The following MYO16 variants were observed in gnomAD, a reference collection of about 807,000 sequenced individuals.
MYO16 encodes the protein myosin XVI.
Under a neutral mutation model 205.3 loss-of-function variants are expected in MYO16, and 94 were observed. The ratio of observed to expected loss-of-function variants is 0.46; its 90% CI spans 0.39 to 0.54. MYO16 has a LOEUF of 0.54. Among genes scored for constraint, MYO16 ranks in the 20% least tolerant of loss-of-function variants. MYO16 has a pLI of 0.00. For missense variants in MYO16, 2,315 were observed against 2,387.5 expected (o/e 0.97, Z 0.63); for synonymous variants, 988 against 954.0 (o/e 1.04, Z -0.66).
intron 20 of MYO16, among the ~76,000 whole-genome samples, chr13:108,991,182 C>T (rs1054842380): frequency 4.6e-5 from 7 of 152,172 alleles, no homozygotes; most frequent in African/African-American, 1.2e-4. Context: ...AAGTTCATGC[C>T]GACGTCCCCA....
intron 16 of MYO16, among the ~76,000 whole-genome samples, chr13:108,928,895 T>C (rs762677574): frequency 2.0e-5 from 3 of 152,208 alleles, no homozygotes; most frequent in African/African-American, 4.8e-5. Flanking sequence ...TCATGGATTA[T>C]AGCTTAATAA....
chr13:108,605,426 A>G (rs1033490847), intron 1 of MYO16, among the ~76,000 whole-genome samples: 3 of 152,154 alleles, frequency 2.0e-5, no homozygotes, highest in South Asian at 2.1e-4. Flanking sequence ...CTCATCTTGC[A>G]TTGGAATCCA....
intron 2 of MYO16, among the ~76,000 whole-genome samples, chr13:108,682,803 G>T (rs781123910): frequency 6.6e-5 from 10 of 152,166 alleles, no homozygotes; most frequent in Non-Finnish European, 1.5e-4. Flanking sequence ...AGCTGCTGAA[G>T]TCTTGCTCTT....
At chr13:108,771,745 A>G (rs956706568) in intron 4 of MYO16, among the ~76,000 whole-genome samples, 5 of 151,954 alleles carry the variant, frequency 3.3e-5, no homozygotes, top group African/African-American at 4.8e-5. Context: ...GAAATCATAC[A>G]ATGTTTAGAC....
the MYO16 span, among the ~76,000 whole-genome samples, chr13:108,502,644 T>C: frequency 6.6e-6 from 1 of 152,210 alleles, no homozygotes; most frequent in Non-Finnish European, 1.5e-5. Flanking sequence ...TGGTACTGTG[T>C]GCCTTTAACG....
At chr13:108,723,175 A>G (rs1189197008) in intron 3 of MYO16, among the ~76,000 whole-genome samples, 1 of 152,048 alleles carries the variant, frequency 6.6e-6, no homozygotes, top group Non-Finnish European at 1.5e-5. Context: ...TGAGAGATTA[A>G]ATATTTTGCC....
At chr13:108,517,195 G>T in the MYO16 span, among the ~76,000 whole-genome samples, 9 of 152,188 alleles carry the variant, frequency 5.9e-5, no homozygotes, top group East Asian at 1.5e-3. Flanking sequence ...CTTCCAAAGT[G>T]CTGGGATTAC....
intron 23 of MYO16, among the ~76,000 whole-genome samples, chr13:109,040,615 A>C (rs1487255526): frequency 6.6e-6 from 1 of 152,130 alleles, no homozygotes; most frequent in Non-Finnish European, 1.5e-5. Context: ...AAAAAAATAC[A>C]TGATTATATC....
At chr13:108,503,449 T>A in the MYO16 span, among the ~76,000 whole-genome samples, 1 of 151,996 alleles carries the variant, frequency 6.6e-6, no homozygotes, top group East Asian at 1.9e-4. Flanking sequence ...AAAAAAGTTT[T>A]TTTTTTTTAA....
At chr13:108,744,800 G>A (rs1377008096) in intron 4 of MYO16, among the ~76,000 whole-genome samples, 1 of 152,192 alleles carries the variant, frequency 6.6e-6, no homozygotes, top group African/African-American at 2.4e-5. Flanking sequence ...ATTTGAAAGA[G>A]GCTATTCAGC....
intron 4 of MYO16, among the ~76,000 whole-genome samples, chr13:108,743,348 C>T (rs1884966920): frequency 6.6e-6 from 1 of 152,068 alleles, no homozygotes; most frequent in South Asian, 2.1e-4. Context: ...TACATAATTT[C>T]AAGAAATTGA....
rs760995174 is a variant in MYO16, at chr13:109,141,340, A to C, written c.5128A>C (p.Lys1710Gln). 4 of 1,557,626 alleles carry C rather than the reference A, an allele frequency of 2.6e-6. No individual in the cohort carries two copies. Among genetic ancestry groups the C allele is most frequent in the East Asian group, 5.0e-5 (2 of 40,398 alleles). Residue 1710 changes from lysine (K) to glutamine (Q), a missense_variant, in exon 32 of 35, where the codon AAA (lysine) becomes CAA (glutamine). Lys to Gln is a moderately conservative substitution (Grantham distance 53). Coordinates refer to ENST00000457511, the MANE Select transcript of MYO16 (RefSeq NM_001198950.3). This position sits in a 1 kb window ranked among gnomAD's most constrained non-coding sequence, Gnocchi z 4.1. Reference protein sequence around the residue: ...LFNSGRSVLRKSAAGRKIREA... With the variant: ...LFNSGRSVLRQSAAGRKIREA... Reference sequence around the variant, plus strand: ...CAACTCGGGGAGGAGTGTGCTTCGGAAATCCGCGGCGGGAAGAAAAATCAG... The same window carrying C: ...CAACTCGGGGAGGAGTGTGCTTCGGCAATCCGCGGCGGGAAGAAAAATCAG...
intron 12 of MYO16, among the ~76,000 whole-genome samples, chr13:108,873,913 C>A (rs889316615): frequency 3.3e-5 from 5 of 152,180 alleles, no homozygotes; most frequent in African/African-American, 1.2e-4. Flanking sequence ...AAATAGAAAG[C>A]CAGATGTTCC....
intron 7 of MYO16, among the ~76,000 whole-genome samples, chr13:108,808,336 A>C (rs1887178869): frequency 6.6e-6 from 1 of 151,056 alleles, no homozygotes; most frequent in African/African-American, 2.4e-5. Flanking sequence ...TTTTAATAGA[A>C]CCTTCTTTTT....
the MYO16 span, among the ~76,000 whole-genome samples, chr13:108,527,454 A>T: frequency 2.0e-5 from 3 of 152,046 alleles, no homozygotes; most frequent in Non-Finnish European, 4.4e-5. Flanking sequence ...TATTTGCATG[A>T]CTCCTTATTA....
intron 34 of MYO16, among the ~76,000 whole-genome samples, chr13:109,181,816 A>ATTTTTTTTT (rs61381548): frequency 1.6e-5 from 2 of 126,262 alleles, no homozygotes; most frequent in African/African-American, 6.9e-5. Context: ...TTATTTATTT[A>ATTTTTTTTT]TTTTATTTTA....
At chr13:108,751,434 A>G (rs1365515254) in intron 4 of MYO16, among the ~76,000 whole-genome samples, 1 of 152,220 alleles carries the variant, frequency 6.6e-6, no homozygotes. Context: ...TGAAATAAAT[A>G]TTAATCCATA....
chr13:108,870,699 A>C (rs767585250), intron 12 of MYO16, among the ~76,000 whole-genome samples: 1 of 151,926 alleles, frequency 6.6e-6, no homozygotes, highest in Non-Finnish European at 1.5e-5. Flanking sequence ...AAATTTGTAG[A>C]ATTTTGAGTG....
At chr13:108,858,544 C>A (rs169040) in intron 11 of MYO16, among the ~76,000 whole-genome samples, 21,467 of 152,024 alleles carry the variant, frequency 0.14, 1,669 homozygotes, top group East Asian at 0.28. Flanking sequence ...GATTTCCCTG[C>A]AAATGTCACC....
Sources: gnomAD v4.1 joint callset for allele counts (sites outside exome capture counted in the v4.1 genomes callset) on GRCh38, gnomAD v4.1.1 for gene constraint, Gnocchi (gnomAD v3.1) non-coding constraint, MANE v1.5 for transcripts, NCBI Gene and HGNC (gene_info 2026-07-23, HGNC 2026-07-21) for gene names.